CPM: variants seen among roughly 807,000 people sequenced by gnomAD.
The protein encoded by CPM is renal carboxypeptidase.
Under a neutral mutation model 46.4 loss-of-function variants are expected in CPM, and 35 were observed. That is an observed-to-expected ratio of 0.75 (90% CI 0.58 to 1.00). The LOEUF (loss-of-function observed/expected upper bound fraction) is 1.00. Ranked by LOEUF, CPM falls within the 50% of genes least tolerant of loss-of-function variation. CPM has a pLI of 0.00. For synonymous variants in CPM, 195 were observed against 195.3 expected (o/e 1.00, Z 0.01); for missense variants, 422 against 530.4 (o/e 0.80, Z 2.01).
intron 3 of CPM, among the ~76,000 whole-genome samples, chr12:68,881,501 T>C (rs373894441): frequency 2.6e-5 from 4 of 152,156 alleles, no homozygotes; most frequent in East Asian, 1.9e-4. Context: ...AAGTGGGGGA[T>C]AAGATAAAGA....
At chr12:68,897,033 C>G (rs866464193) in intron 2 of CPM, among the ~76,000 whole-genome samples, 3 of 152,196 alleles carry the variant, frequency 2.0e-5, no homozygotes, top group Middle Eastern at 3.4e-3. Context: ...AATCACTAAC[C>G]ATCAACAAAA....
chr12:68,872,042 G>T (rs1885724347), intron 3 of CPM, 86 bp from the exon 4 acceptor site: 2 of 1,362,284 alleles, frequency 1.5e-6, no homozygotes, highest in Admixed American at 1.8e-5. Context: ...CCCCAATAGG[G>T]GTCTCTACAC....
chr12:68,947,239 G>A (rs1295450962), intron 1 of CPM, among the ~76,000 whole-genome samples: 1 of 152,182 alleles, frequency 6.6e-6, no homozygotes, highest in Non-Finnish European at 1.5e-5. Flanking sequence ...TCCAGGCAGA[G>A]GAAATAGTAT....
intron 1 of CPM, among the ~76,000 whole-genome samples, chr12:68,954,275 G>T (rs528664408): frequency 1.3e-5 from 2 of 152,134 alleles, no homozygotes; most frequent in South Asian, 2.1e-4. Context: ...ACCTGGAAGC[G>T]TATGACATAC....
chr12:68,859,068 A>C lies in CPM; in HGVS notation c.944T>G (p.Val315Gly). The C allele has an allele frequency of 6.7e-7, 1 of 1,486,624 alleles. No individual in the cohort carries two copies. The highest frequency in any genetic ancestry group is 1.4e-5 in the African/African-American group (1 of 70,004). 92.1% of individuals were successfully genotyped at this position (1,486,624 alleles called of 1,614,324 possible). A position where few individuals can be genotyped will look rare whatever the true frequency, so the allele number is the denominator to read the frequency against. Residue 315 changes from valine to glycine, a missense_variant, in exon 8 of 9, where the codon GTA becomes GGA. By Grantham distance (109) the Val-to-Gly change is moderately radical. Transcript: ENST00000551568. Reference sequence around the variant, plus strand: ...ATTCTGATCAAAAACTTGACCCTTTACACCTGCAAGACAAAAATAAAATTA... The same window carrying C: ...ATTCTGATCAAAAACTTGACCCTTTCCACCTGCAAGACAAAAATAAAATTA... ...IEYIKQVHLG[V>G]KGQVFDQNGN...
chr12:68,928,484 C>T (rs1888364120), intron 2 of CPM, among the ~76,000 whole-genome samples: 1 of 152,192 alleles, frequency 6.6e-6, no homozygotes. Flanking sequence ...ATGTTATCTT[C>T]AGCAAGTTAA....
chr12:68,908,389 G>A (rs1001530470), intron 2 of CPM, among the ~76,000 whole-genome samples: 11 of 150,602 alleles, frequency 7.3e-5, no homozygotes, highest in African/African-American at 1.2e-4. Context: ...TACTCCACAG[G>A]ACACAGCTTT....
chr12:68,897,736 CAA>C (rs62826660), intron 2 of CPM, among the ~76,000 whole-genome samples: 5,947 of 106,064 alleles, frequency 0.056, 377 homozygotes, highest in African/African-American at 0.18. Context: ...GACTCCGTTT[CAA>C]AAAAAAAAAA....
upstream of CPM, among the ~76,000 whole-genome samples, chr12:68,936,783 A>G (rs775081740): frequency 9.9e-5 from 15 of 152,244 alleles, no homozygotes; most frequent in Non-Finnish European, 1.9e-4. Flanking sequence ...CTGTACAGAA[A>G]ACCTTATAAA....
chr12:68,959,559 G>A (rs1889078636), intron 1 of CPM, among the ~76,000 whole-genome samples: 1 of 152,244 alleles, frequency 6.6e-6, no homozygotes, highest in African/African-American at 2.4e-5. Context: ...TAATGAAAGT[G>A]TGAAAGAGAG....
chr12:68,879,425 G>A (rs894040346), intron 3 of CPM, among the ~76,000 whole-genome samples: 2 of 152,108 alleles, frequency 1.3e-5, no homozygotes, highest in African/African-American at 4.8e-5. Flanking sequence ...GTACAGTGGT[G>A]TGATCATGGC....
intron 2 of CPM, among the ~76,000 whole-genome samples, chr12:68,908,488 T>C (rs994806594): frequency 1.3e-5 from 2 of 151,886 alleles, no homozygotes; most frequent in Non-Finnish European, 2.9e-5. Context: ...GGACATCCAC[T>C]TTCTGAGTGT....
chr12:68,876,282 A>C (rs973354139), intron 3 of CPM, among the ~76,000 whole-genome samples: 1 of 152,232 alleles, frequency 6.6e-6, no homozygotes, highest in Non-Finnish European at 1.5e-5. Context: ...ATAATTTTTT[A>C]AATGCTGAGA....
rs761360372 is a variant in CPM at position 68,856,611 on chromosome 12, A to G, written c.1158T>C (p.Ser386=). Residue 386 remains serine, a synonymous_variant, in exon 9 of 9, where the codon AGT becomes AGC. Coordinates refer to ENST00000551568, the MANE Select transcript of CPM (RefSeq NM_198320.5). ...GAAGTAGAATATCCTTTTTAAGAGCACTGAAGTTCTGGGATTTCTCCGGAA... is the reference window on the plus strand; with the variant it reads ...GAAGTAGAATATCCTTTTTAAGAGCGCTGAAGTTCTGGGATTTCTCCGGAA... ...VIIPEKSQNF[S]ALKKDILLPF... is the part of the protein sequence containing the mutation. 3 of 1,614,094 alleles carry G rather than the reference A, an allele frequency of 1.9e-6. No homozygotes were observed. The African/African-American group carries it at 4.0e-5, about 22-fold the overall frequency.
chr12:68,936,900 A>C (rs1178411363), upstream of CPM, among the ~76,000 whole-genome samples: 1 of 152,268 alleles, frequency 6.6e-6, no homozygotes, highest in African/African-American at 2.4e-5. Flanking sequence ...ATGAATAAGC[A>C]GTTCATAAAA....
intron 1 of CPM, among the ~76,000 whole-genome samples, chr12:68,956,738 CA>C (rs1490653004): frequency 6.6e-6 from 1 of 152,220 alleles, no homozygotes; most frequent in African/African-American, 2.4e-5. Flanking sequence ...CGTGTTTTTT[CA>C]GAGCACCAAA....
chr12:68,850,824 G>A (rs995669872), downstream of CPM: 1 of 152,076 alleles, frequency 6.6e-6, no homozygotes, highest in Non-Finnish European at 1.5e-5. Flanking sequence ...TTTCTTTTCT[G>A]CATTTCTCAG....
chr12:68,859,834 G>T (rs993158379), intron 7 of CPM, among the ~76,000 whole-genome samples: 3 of 152,102 alleles, frequency 2.0e-5, no homozygotes, highest in Non-Finnish European at 4.4e-5. Flanking sequence ...TTTTTAAAAA[G>T]CCATTTATAT....
intron 2 of CPM, among the ~76,000 whole-genome samples, chr12:68,924,501 C>T (rs1030733332): frequency 1.3e-5 from 2 of 149,962 alleles, no homozygotes; most frequent in Non-Finnish European, 3.0e-5. Flanking sequence ...AAGGCAATGT[C>T]TTTAAGAAAC....
Sources: allele counts gnomAD v4.1 joint callset (sites outside exome capture counted in the v4.1 genomes callset), GRCh38; gene constraint gnomAD v4.1.1; transcripts MANE v1.5; gene names NCBI Gene and HGNC (gene_info 2026-07-23, HGNC 2026-07-21).